GADL1: variants seen among roughly 807,000 people sequenced by gnomAD.
The protein encoded by GADL1 is GAD like acidic amino acid decarboxylase 1, also known as acidic amino acid decarboxylase GADL1.
A neutral mutation model predicts 69.5 loss-of-function variants in GADL1; 71 were observed. The observed-to-expected ratio is 1.02, with a 90% CI of 0.84 to 1.25. The LOEUF is 1.25. Ranked by LOEUF, GADL1 falls within the 50% of genes most tolerant of loss-of-function variation. The pLI is 0.00. For synonymous variants in GADL1, 254 were observed against 214.4 expected, an observed-to-expected ratio of 1.18 and a Z score of -1.62; for missense variants, 737 against 631.8, an observed-to-expected ratio of 1.17 and a Z score of -1.79.
chr3:30,772,568 AG>A (rs1026621822), intron 14 of GADL1, among the ~76,000 whole-genome samples: 3 of 152,144 alleles, frequency 2.0e-5, no homozygotes, highest in Admixed American at 6.6e-5. Context: ...TATTTCAGGA[AG>A]TTACTTTAGA....
Position 30,850,868 on chromosome 3 carries a change from C to A in GADL1, c.502G>T (p.Gly168Cys). 1 of 1,550,206 alleles carries A rather than the reference C, an allele frequency of 6.5e-7. No individual in the cohort carries two copies. Among genetic ancestry groups the A allele is most frequent in the South Asian group, 1.2e-5 (1 of 84,000 alleles). The change falls in exon 5 of 15, where the codon GGC (glycine) becomes TGC (cysteine). Residue 168 changes from glycine to cysteine, a missense_variant. Transcript: ENST00000282538. ...AVLKKMIEFIGWKEGDGIFNP... is the reference protein window; with the variant it reads ...AVLKKMIEFICWKEGDGIFNP... ...AATATTCCATCCCCTTCTTTCCAGC[C>A]AATAAATTCAATCATTTTCTTCAGA...
At chr3:30,839,546 C>A (rs899428788) in intron 8 of GADL1, among the ~76,000 whole-genome samples, 4 of 114,884 alleles carry the variant, frequency 3.5e-5, no homozygotes, top group Non-Finnish European at 6.6e-5. Flanking sequence ...GACAGAGCTC[C>A]CGGAGTAAAC....
intron 11 of GADL1, among the ~76,000 whole-genome samples, chr3:30,817,838 CAT>C (rs1697501138): frequency 6.6e-6 from 1 of 152,156 alleles, no homozygotes; most frequent in African/African-American, 2.4e-5. Context: ...ATATAATAGT[CAT>C]ATGTGCTACT....
chr3:30,753,479 T>TAA (rs1424748676), intron 14 of GADL1, among the ~76,000 whole-genome samples: 1 of 148,886 alleles, frequency 6.7e-6, no homozygotes, highest in East Asian at 2.0e-4. Context: ...TTTTCAATCC[T>TAA]AAAAAACCAA....
At chr3:30,850,377 A>G (rs139391213) in intron 5 of GADL1, among the ~76,000 whole-genome samples, 2,192 of 152,224 alleles carry the variant, frequency 0.014, 26 homozygotes, top group Middle Eastern at 0.034. Flanking sequence ...AAAAGTCTCA[A>G]TCTGTGAGCT....
chr3:30,741,112 G>GTATATATATATATA (rs67611024), intron 14 of GADL1, among the ~76,000 whole-genome samples: 1 of 113,930 alleles, frequency 8.8e-6, no homozygotes, highest in African/African-American at 4.2e-5. Flanking sequence ...TGTATTCCTA[G>GTATATATATATATA]TATATATATA....
At chr3:30,812,191 A>G (rs1483350546) in intron 11 of GADL1, among the ~76,000 whole-genome samples, 1 of 152,212 alleles carries the variant, frequency 6.6e-6, no homozygotes, top group East Asian at 1.9e-4. Flanking sequence ...TCCATGCTGA[A>G]GTCTTAATCA....
chr3:30,814,722 C>T (rs1421705109), intron 11 of GADL1, among the ~76,000 whole-genome samples: 1 of 151,890 alleles, frequency 6.6e-6, no homozygotes, highest in Non-Finnish European at 1.5e-5. Context: ...GCTGCAAAAC[C>T]AGAGACATTA....
intron 9 of GADL1, 30 bp downstream of exon 9, chr3:30,838,967 A>C (rs769909396): frequency 3.8e-6 from 5 of 1,331,466 alleles, no homozygotes; most frequent in Non-Finnish European, 5.2e-6. Context: ...ACCAAAGGTT[A>C]AACAGGTATG....
chr3:30,742,900 G>C (rs1460942295), intron 14 of GADL1, among the ~76,000 whole-genome samples: 1 of 151,898 alleles, frequency 6.6e-6, no homozygotes, highest in Non-Finnish European at 1.5e-5. Flanking sequence ...TCAGAGATAG[G>C]AAGAAAATGG....
intron 1 of GADL1, among the ~76,000 whole-genome samples, chr3:30,887,480 G>A (rs1029640002): frequency 2.0e-5 from 3 of 152,232 alleles, no homozygotes; most frequent in East Asian, 1.9e-4. Flanking sequence ...CAGCCCCTTC[G>A]CCATGTAATG....
chr3:30,778,570 C>A, intron 13 of GADL1: 1 of 231,712 alleles, frequency 4.3e-6, no homozygotes, highest in Admixed American at 5.0e-5. Context: ...TGCCTGCTTA[C>A]ATACATGCTC....
chr3:30,782,507 CTACACTTAAGTTTTTAG>C (rs918015234), intron 13 of GADL1, among the ~76,000 whole-genome samples: 30 of 152,194 alleles, frequency 2.0e-4, no homozygotes, highest in African/African-American at 7.0e-4. Context: ...AAGGAAAATA[CTACACTTAAGTTTTTAG>C]AAATGTTGAA....
chr3:30,847,317 G>A (rs950621583), intron 6 of GADL1, among the ~76,000 whole-genome samples: 3 of 152,100 alleles, frequency 2.0e-5, no homozygotes, highest in African/African-American at 4.8e-5. Flanking sequence ...TGGTGGGTAC[G>A]TATATTCTGC....
chr3:30,789,254 G>A (rs1029212438), intron 12 of GADL1, among the ~76,000 whole-genome samples: 2 of 152,182 alleles, frequency 1.3e-5, no homozygotes, highest in Non-Finnish European at 2.9e-5. Flanking sequence ...CTCCATCAGA[G>A]CTCTTGAGTT....
intron 11 of GADL1, among the ~76,000 whole-genome samples, chr3:30,814,578 G>A (rs947673127): frequency 5.3e-5 from 8 of 152,038 alleles, no homozygotes; most frequent in African/African-American, 1.9e-4. Context: ...ATAAGAACAG[G>A]TGACAGGCCA....
intron 14 of GADL1, among the ~76,000 whole-genome samples, chr3:30,730,810 G>A (rs985473617): frequency 6.6e-6 from 1 of 152,078 alleles, no homozygotes; most frequent in Admixed American, 6.6e-5. Context: ...AGGTAGGAGG[G>A]CTTCTCGTGC....
At chr3:30,787,138 A>G (rs1006836377) in intron 12 of GADL1, among the ~76,000 whole-genome samples, 1 of 152,150 alleles carries the variant, frequency 6.6e-6, no homozygotes, top group Non-Finnish European at 1.5e-5. Flanking sequence ...ACCGTGGTAC[A>G]TGTTTACCTA....
intron 11 of GADL1, among the ~76,000 whole-genome samples, chr3:30,814,142 T>C (rs961213671): frequency 6.6e-6 from 1 of 152,220 alleles, no homozygotes; most frequent in Non-Finnish European, 1.5e-5. Context: ...AGAAGGTGTC[T>C]TCATTATACA....
Sources: gnomAD v4.1 joint callset for allele counts (sites outside exome capture counted in the v4.1 genomes callset) on GRCh38, gnomAD v4.1.1 for gene constraint, MANE v1.5 for transcripts, NCBI Gene and HGNC (gene_info 2026-07-23, HGNC 2026-07-21) for gene names.